Variants in PEBP4 observed in about 807,000 individuals in gnomAD.
PEBP4 encodes the protein phosphatidylethanolamine binding protein 4, also known as phosphatidylethanolamine-binding protein 4.
Under a neutral mutation model 23.9 loss-of-function variants are expected in PEBP4, and 22 were observed. That is an observed-to-expected ratio of 0.92 (90% confidence interval 0.66 to 1.31). The LOEUF (loss-of-function observed/expected upper bound fraction) is 1.31. Ranked by LOEUF, PEBP4 falls within the 40% of genes most tolerant of loss-of-function variation. PEBP4 has a pLI of 0.00. For missense variants in PEBP4, 324 were observed against 281.7 expected (o/e 1.15, Z -1.07); for synonymous variants, 112 against 99.3 (o/e 1.13, Z -0.76).
chr8:22,924,623 C>T lies in PEBP4; in HGVS notation c.131+2961G>A, dbSNP rs533906725. On this transcript the variant is annotated intron_variant, in intron 2 of 6. Coordinates refer to ENST00000256404, the MANE Select transcript of PEBP4 (RefSeq NM_144962.3). ...GGGTAAGAATGTACTTTCTGAAGAA[C>T]GGAGCTTTTCAACACCAAAAAGCAG... 222 of 977,452 alleles carry T rather than the reference C, an allele frequency of 2.3e-4. 1 individual carries two copies. The South Asian group carries it at 7.0e-3, about 31-fold the overall frequency. 60.5% of individuals were successfully genotyped at this position (977,452 alleles called of 1,614,324 possible). A position where few individuals can be genotyped will look rare whatever the true frequency, so the allele number is the denominator to read the frequency against.
rs1056579996 is a variant in PEBP4 at position 22,924,229 on chromosome 8, T to C, written c.131+3355A>G. Among the ~76,000 whole-genome samples the C allele has an allele frequency of 2.6e-5, 4 of 151,954 alleles. No homozygotes were observed. In the East Asian group the frequency reaches 5.8e-4, roughly 22 times the overall value. On this transcript the variant is annotated intron_variant, in intron 2 of 6. Transcript: ENST00000256404. ...AAATAAGAAACTTAGCCAGGTGTGG[T>C]GGCGTGCACCTGTAGTCCCAGCTAC...
At position 22,915,518 on chromosome 8, in the gene PEBP4, C is replaced by G. The variant is rs61499735; in HGVS notation, c.258+4666G>C. On this transcript the variant is annotated intron_variant, in intron 3 of 6. Transcript: ENST00000256404. ...GCCCGCTACCTGTCTATCTCCCCAG[C>G]TATACTGCAAGCTCCGTGATAGTGT... 9.4e-3 allele frequency among the ~76,000 whole-genome samples: 1,425 copies of G among 152,314 alleles called. 15 individuals carry two copies. Among genetic ancestry groups the G allele is most frequent in the African/African-American group, 0.031 (1,292 of 41,564 alleles).
chr8:22,907,305 T>TA (rs1808837612), intron 3 of PEBP4, among the ~76,000 whole-genome samples: 1 of 151,826 alleles, frequency 6.6e-6, no homozygotes, highest in Non-Finnish European at 1.5e-5. Flanking sequence ...ACTAAAAATA[T>TA]AAAAATTAGC....
chr8:22,798,798 C>T (rs1015161164), intron 4 of PEBP4, among the ~76,000 whole-genome samples: 1 of 125,448 alleles, frequency 8.0e-6, no homozygotes, highest in African/African-American at 3.0e-5. Flanking sequence ...AGTGCAGTGG[C>T]GTGATCTCAG....
intron 4 of PEBP4, among the ~76,000 whole-genome samples, chr8:22,754,556 G>C (rs1805336028): frequency 6.6e-6 from 1 of 152,232 alleles, no homozygotes; most frequent in Non-Finnish European, 1.5e-5. Flanking sequence ...CTGGAAGTGA[G>C]AGAGCCTTTT....
At chr8:22,731,935 A>C (rs994358009) in intron 4 of PEBP4, among the ~76,000 whole-genome samples, 1 of 151,722 alleles carries the variant, frequency 6.6e-6, no homozygotes, top group Non-Finnish European at 1.5e-5. Flanking sequence ...TCGGCTTCCC[A>C]AAGTGCTGGG....
chr8:22,912,464 C>T (rs537013943), intron 3 of PEBP4, among the ~76,000 whole-genome samples: 31 of 152,270 alleles, frequency 2.0e-4, no homozygotes, highest in African/African-American at 6.0e-4. Flanking sequence ...TTTCAGGAAC[C>T]GGGGGATTCC....
chr8:22,795,183 T>A (rs551076799), intron 4 of PEBP4, among the ~76,000 whole-genome samples: 1,081 of 100,360 alleles, frequency 0.011, 39 homozygotes, highest in African/African-American at 0.038. Flanking sequence ...TTTTTTTTTT[T>A]TTTTTTTTTT....
intron 4 of PEBP4, among the ~76,000 whole-genome samples, chr8:22,789,655 T>C (rs1017015186): frequency 6.6e-6 from 1 of 152,174 alleles, no homozygotes; most frequent in Non-Finnish European, 1.5e-5. Flanking sequence ...TGGGGGTCCT[T>C]TGCGAGCTGA....
intron 4 of PEBP4, among the ~76,000 whole-genome samples, chr8:22,778,271 C>T (rs1805853398): frequency 6.6e-6 from 1 of 152,134 alleles, no homozygotes; most frequent in Admixed American, 6.6e-5. Context: ...CCAAAGTCCC[C>T]AACTGCCCCC....
At chr8:22,929,994 C>T (rs576972115), upstream of PEBP4, among the ~76,000 whole-genome samples, 2 of 152,216 alleles carry the variant, frequency 1.3e-5, no homozygotes, top group African/African-American at 4.8e-5. Flanking sequence ...TGAGCCACCG[C>T]GCCCAGCCCA....
At chr8:22,887,118 A>ATGTGTGTGTGTGTGTGTGTATG (rs200841624) in intron 3 of PEBP4, 5 of 124,296 alleles carry the variant, frequency 4.0e-5, no homozygotes, top group African/African-American at 8.6e-5. Flanking sequence ...GTGTGTGTGT[A>ATGTGTGTGTGTGTGTGTGTATG]TGTGTGTGTG....
chr8:22,821,207 G>C (rs1013287679), intron 3 of PEBP4, among the ~76,000 whole-genome samples: 2 of 152,060 alleles, frequency 1.3e-5, no homozygotes, highest in African/African-American at 4.8e-5. Flanking sequence ...AAACACATGG[G>C]CTTTGGGAAG....
intron 4 of PEBP4, among the ~76,000 whole-genome samples, chr8:22,730,212 G>T (rs371785878): frequency 1.8e-4 from 28 of 152,258 alleles, no homozygotes; most frequent in African/African-American, 6.7e-4. Context: ...GAAAATGGGG[G>T]CCCTCCCACC....
At chr8:22,924,579 G>A in intron 2 of PEBP4, 3 of 852,278 alleles carry the variant, frequency 3.5e-6, no homozygotes, top group Non-Finnish European at 4.2e-6. Flanking sequence ...TGGTGTTCAA[G>A]AAGAGCAGCA....
intron 3 of PEBP4, among the ~76,000 whole-genome samples, chr8:22,918,137 G>C (rs1809117819): frequency 6.6e-6 from 1 of 152,202 alleles, no homozygotes. Flanking sequence ...AAAGGTCCGA[G>C]TAGTGCCCAG....
chr8:22,725,999 ATGTGTGTG>A (rs10680983), intron 5 of PEBP4, among the ~76,000 whole-genome samples: 72 of 146,442 alleles, frequency 4.9e-4, no homozygotes, highest in Admixed American at 2.1e-3. Context: ...GATCAGATAT[ATGTGTGTG>A]TGTGTGTGTG....
chr8:22,800,260 A>T (rs1585279656), intron 4 of PEBP4, among the ~76,000 whole-genome samples: 3 of 152,146 alleles, frequency 2.0e-5, no homozygotes, highest in Middle Eastern at 6.8e-3. Context: ...GGGCCTGCTA[A>T]CCATAGGTTG....
At chr8:22,866,846 T>G (rs751058838) in intron 3 of PEBP4, among the ~76,000 whole-genome samples, 6 of 152,192 alleles carry the variant, frequency 3.9e-5, no homozygotes, top group African/African-American at 4.8e-5. Flanking sequence ...AAATACAGCT[T>G]GAATGCAAAG....
Sources: gnomAD v4.1 joint callset for allele counts (sites outside exome capture counted in the v4.1 genomes callset) on GRCh38, gnomAD v4.1.1 for gene constraint, MANE v1.5 for transcripts, NCBI Gene and HGNC (gene_info 2026-07-23, HGNC 2026-07-21) for gene names.